Variants in LRP1B observed in about 807,000 individuals in gnomAD.
LRP1B encodes low-density lipoprotein receptor-related protein 1B.
Under a neutral mutation model 556.6 loss-of-function variants are expected in LRP1B, and 217 were observed. The ratio of observed to expected loss-of-function variants is 0.39; its 90% CI spans 0.35 to 0.44. The LOEUF is 0.44. Among genes scored for constraint, LRP1B ranks in the 20% least tolerant of loss-of-function variants. LRP1B has a pLI of 1.00. For missense variants in LRP1B, 5,053 were observed against 5,620.8 expected, an observed-to-expected ratio of 0.90 and a Z score of 3.23; for synonymous variants, 2,047 against 1,865.8, an observed-to-expected ratio of 1.10 and a Z score of -2.50.
chr2:140,263,736 T>C (rs1682055732), intron 86 of LRP1B, among the ~76,000 whole-genome samples: 1 of 151,890 alleles, frequency 6.6e-6, no homozygotes, highest in African/African-American at 2.4e-5. Flanking sequence ...CTCCTTTCTA[T>C]CTGAGACCTC....
intron 84 of LRP1B, among the ~76,000 whole-genome samples, chr2:140,288,404 G>T (rs1473630668): frequency 1.3e-5 from 2 of 151,640 alleles, no homozygotes; most frequent in African/African-American, 4.8e-5. Flanking sequence ...AAAGATTTCT[G>T]ACTCAGCATT....
At position 140,510,007 on chromosome 2, in the gene LRP1B, G is replaced by A. The variant is rs767018342; in HGVS notation, c.8319C>T (p.Ala2773=). The change falls in exon 52 of 91, where the codon GCC becomes GCT. Residue 2773 remains alanine (A), a synonymous_variant. Coordinates refer to ENST00000389484, the MANE Select transcript of LRP1B (RefSeq NM_018557.3). ...ADMFSCQGSR[A]CVPRHWLCDG... ...CACAAAGCCAATGTCGGGGCACGCA[G>A]GCACGAGAGCCCTGGCAGCTGAACA... 2.5e-6 allele frequency: 4 copies of A among 1,613,914 alleles called. No individual in the cohort carries two copies. The highest frequency in any genetic ancestry group is 1.7e-4 in the Middle Eastern group (1 of 5,916).
chr2:141,560,566 G>C (rs1460112308), intron 2 of LRP1B, among the ~76,000 whole-genome samples: 1 of 134,830 alleles, frequency 7.4e-6, no homozygotes, highest in Admixed American at 7.2e-5. Flanking sequence ...CCTAAGTCTA[G>C]ATGAAATTCT....
rs562512167 is a variant in LRP1B at position 141,271,533 on chromosome 2, G to A, written c.344-16892C>T. On this transcript the variant is annotated intron_variant, in intron 3 of 90. Transcript: ENST00000389484. Reference sequence around the variant, plus strand: ...CAAAGAAGTCCCAATATGAATAACAGCAGACTCGTTATTGGAACCTATGGA... The same window carrying A: ...CAAAGAAGTCCCAATATGAATAACAACAGACTCGTTATTGGAACCTATGGA... 2.1e-3 allele frequency among the ~76,000 whole-genome samples: 325 copies of A among 151,832 alleles called. 1 individual carries two copies. The Middle Eastern group carries it at 0.024, about 11-fold the overall frequency.
At chr2:140,317,120 T>C (rs1007377581) in intron 82 of LRP1B, among the ~76,000 whole-genome samples, 2 of 151,900 alleles carry the variant, frequency 1.3e-5, no homozygotes, top group Admixed American at 1.3e-4. Context: ...CGGACCTGGA[T>C]TGGAGAGGGT....
chr2:141,874,639 GA>G (rs1428502128), intron 1 of LRP1B, among the ~76,000 whole-genome samples: 1 of 151,412 alleles, frequency 6.6e-6, no homozygotes, highest in Non-Finnish European at 1.5e-5. Context: ...CTGTTTTTGA[GA>G]AAAAGTAAAA....
chr2:140,534,049 T>C lies in LRP1B; in HGVS notation c.7734A>G (p.Gly2578=). Residue 2578 remains glycine (G), a synonymous_variant, in exon 47 of 91, where the codon GGA becomes GGG. Coordinates refer to ENST00000389484, the MANE Select transcript of LRP1B (RefSeq NM_018557.3). ...GKLCDGENDC[G]DNSDELDCKV... Reference sequence around the variant, plus strand: ...TACAATCTAATTCATCAGAGTTGTCTCCGCAGTCATTTTCTCCATCACATA... The same window carrying C: ...TACAATCTAATTCATCAGAGTTGTCCCCGCAGTCATTTTCTCCATCACATA... 3.7e-6 allele frequency: 6 copies of C among 1,613,590 alleles called. No individual in the cohort carries two copies. The highest frequency in any genetic ancestry group is 4.2e-6 in the Non-Finnish European group (5 of 1,179,636).
chr2:140,408,767 G>GA (rs1162047396), intron 66 of LRP1B, among the ~76,000 whole-genome samples: 3 of 151,852 alleles, frequency 2.0e-5, no homozygotes, highest in East Asian at 1.9e-4. Flanking sequence ...CTACATCAGA[G>GA]AAAAAAATGA....
At chr2:141,115,909 TC>T (rs1700886719) in intron 7 of LRP1B, among the ~76,000 whole-genome samples, 1 of 152,144 alleles carries the variant, frequency 6.6e-6, no homozygotes, top group Non-Finnish European at 1.5e-5. Flanking sequence ...TCTTCTTACA[TC>T]CTAAAACAAC....
chr2:142,120,842 G>A (rs10193058), intron 1 of LRP1B, among the ~76,000 whole-genome samples: 49,035 of 151,942 alleles, frequency 0.32, 8,137 homozygotes, highest in Middle Eastern at 0.51. Flanking sequence ...AGGAAATATG[G>A]TATTAATAAT....
intron 3 of LRP1B, among the ~76,000 whole-genome samples, chr2:141,378,454 C>T (rs1324825896): frequency 1.3e-5 from 2 of 152,160 alleles, no homozygotes; most frequent in South Asian, 2.1e-4. Flanking sequence ...GTGGAATGAA[C>T]TCTTGAGGCC....
intron 6 of LRP1B, among the ~76,000 whole-genome samples, chr2:141,215,760 T>C (rs1230677295): frequency 6.6e-6 from 1 of 152,180 alleles, no homozygotes; most frequent in East Asian, 1.9e-4. Context: ...AAAAAACTTC[T>C]AAGCAGCAAA....
chr2:140,259,201 C>T (rs1681824421), intron 86 of LRP1B, among the ~76,000 whole-genome samples: 1 of 152,090 alleles, frequency 6.6e-6, no homozygotes. Flanking sequence ...CTTAAATAGA[C>T]TCAGAGGCTT....
chr2:140,752,092 G>A (rs530682083), intron 35 of LRP1B, among the ~76,000 whole-genome samples: 5 of 151,934 alleles, frequency 3.3e-5, no homozygotes, highest in African/African-American at 7.3e-5. Context: ...CAAGGCGGGC[G>A]GATCACGAGG....
rs144459883 is a variant in LRP1B, at chr2:140,422,062, C to T, written c.10414+20442G>A. On this transcript the variant is annotated intron_variant, in intron 66 of 90. Coordinates refer to ENST00000389484, the MANE Select transcript of LRP1B (RefSeq NM_018557.3). The stretch of plus-strand genomic sequence containing the variant: ...GAAATGATTAGGAGGGAAGGTAGTA[C>T]GGACACAAAAAATAAAATGTTATTT... Among the ~76,000 whole-genome samples, 379 of 152,124 alleles carry T rather than the reference C, an allele frequency of 2.5e-3. 1 individual carries two copies. Among genetic ancestry groups the T allele is most frequent in the African/African-American group, 8.3e-3 (343 of 41,516 alleles).
intron 55 of LRP1B, 113 bp downstream of exon 55, chr2:140,501,574 T>C: frequency 1.6e-6 from 1 of 642,588 alleles, no homozygotes. Flanking sequence ...TCCATTCAAT[T>C]CGTTTTAATA....
intron 31 of LRP1B, among the ~76,000 whole-genome samples, chr2:140,820,045 G>A (rs1691267442): frequency 6.6e-6 from 1 of 152,072 alleles, no homozygotes; most frequent in Non-Finnish European, 1.5e-5. Context: ...TGTCGCCCAG[G>A]CTGGAGTGCA....
At chr2:141,269,475 A>G (rs2105366026) in intron 3 of LRP1B, among the ~76,000 whole-genome samples, 1 of 152,292 alleles carries the variant, frequency 6.6e-6, no homozygotes, top group East Asian at 1.9e-4. Context: ...GCTTAATAAT[A>G]GAAAGATCAG....
intron 67 of LRP1B, among the ~76,000 whole-genome samples, chr2:140,382,904 G>A (rs1683584915): frequency 6.6e-6 from 1 of 152,140 alleles, no homozygotes; most frequent in Non-Finnish European, 1.5e-5. Context: ...CTTTTTAAAT[G>A]TTGATAGGCA....
Sources: allele counts gnomAD v4.1 joint callset (sites outside exome capture counted in the v4.1 genomes callset), GRCh38; gene constraint gnomAD v4.1.1; transcripts MANE v1.5; gene names NCBI Gene and HGNC (gene_info 2026-07-23, HGNC 2026-07-21).